The following INPP5A variants were observed in gnomAD, a reference collection of about 807,000 sequenced individuals.
INPP5A encodes the protein 43 kDa inositol polyphosphate 5-phophatase.
In INPP5A, 14 loss-of-function variants were observed where a neutral mutation model predicts 65.2. The observed-to-expected ratio is 0.21, with a 90% CI of 0.14 to 0.34. INPP5A has a LOEUF of 0.34. Among genes scored for constraint, INPP5A ranks in the 10% least tolerant of loss-of-function variants. The probability of loss-of-function intolerance (pLI) is 1.00; values close to 1 mark genes in which losing one functional copy is unlikely to be tolerated. For synonymous variants in INPP5A, 207 were observed against 208.3 expected, an observed-to-expected ratio of 0.99 and a Z score of 0.05; for missense variants, 431 against 545.6, an observed-to-expected ratio of 0.79 and a Z score of 2.09.
chr10:132,587,241 T>C lies in INPP5A; in HGVS notation c.76-20674T>C, dbSNP rs2071556381. On this transcript the variant is annotated intron_variant, in intron 1 of 15. Transcript: ENST00000368594. The surrounding 1 kb of genome is among the most constrained non-coding windows in gnomAD (Gnocchi z 4.3). ...GGACAGGAGATGGACCCAGGGCAGC[T>C]TGGGCCCGTTCCTCACCTGTTACCT... Among the ~76,000 whole-genome samples, 1 of 152,218 alleles carries C rather than the reference T, an allele frequency of 6.6e-6. No homozygotes were observed. Among genetic ancestry groups the C allele is most frequent in the Non-Finnish European group, 1.5e-5 (1 of 68,038 alleles).
Position 132,616,861 on chromosome 10 carries a change from C to T in INPP5A, c.117+8905C>T, listed in dbSNP as rs948628565. ...GAAGGCCAGCTTCACGCTGCAGGAG[C>T]TCCTGGGCAGTCTGTTCTGGGAGTG... On this transcript the variant is annotated intron_variant, in intron 2 of 15. Coordinates refer to ENST00000368594, the MANE Select transcript of INPP5A (RefSeq NM_005539.5). This position sits in a 1 kb window ranked among gnomAD's most constrained non-coding sequence, Gnocchi z 4.9. Among the ~76,000 whole-genome samples the T allele has an allele frequency of 3.9e-5, 6 of 151,952 alleles. No homozygotes were observed. The highest frequency in any genetic ancestry group is 9.7e-5 in the African/African-American group (4 of 41,326).
In INPP5A at chr10:132,697,515, T is replaced by C. The variant is rs545547870; in HGVS notation, c.371-301T>C. On this transcript the variant is annotated intron_variant, in intron 5 of 15. Transcript: ENST00000368594. The surrounding 1 kb of genome is among the most constrained non-coding windows in gnomAD (Gnocchi z 5.6). ...TAATTCTACAGCCCTCTTAAATATA[T>C]TCACGGGTTTAAAAGAGGATGCCAA... Among the ~76,000 whole-genome samples the C allele has an allele frequency of 2.0e-5, 3 of 152,354 alleles. No homozygotes were observed. The highest frequency in any genetic ancestry group is 2.0e-4 in the Admixed American group (3 of 15,308).
intron 11 of INPP5A, among the ~76,000 whole-genome samples, chr10:132,755,311 ATT>A (rs1160808452): frequency 6.9e-6 from 1 of 145,738 alleles, no homozygotes; most frequent in Non-Finnish European, 1.5e-5. Context: ...ATGCATATGC[ATT>A]TGAGTGGGCG....
At chr10:132,769,555 T>C (rs1846913018) in intron 12 of INPP5A, among the ~76,000 whole-genome samples, 1 of 152,150 alleles carries the variant, frequency 6.6e-6, no homozygotes, top group African/African-American at 2.4e-5. Context: ...CACGTGTGCT[T>C]AGAGTTACTG....
At chr10:132,584,281 C>T (rs1443231727) in intron 1 of INPP5A, among the ~76,000 whole-genome samples, 2 of 152,298 alleles carry the variant, frequency 1.3e-5, no homozygotes, top group South Asian at 2.1e-4. Context: ...TGTCATCCCT[C>T]CTCTGTGTTT....
intron 4 of INPP5A, 22 bp from the exon 5 acceptor site, chr10:132,690,370 G>C (rs759565330): frequency 4.6e-6 from 7 of 1,505,514 alleles, no homozygotes; most frequent in Non-Finnish European, 5.5e-6. Flanking sequence ...TCTCTCATTT[G>C]ATTTCTCTTT....
chr10:132,704,670 G>T lies in INPP5A; in HGVS notation c.475-3643G>T, dbSNP rs576949207. Among the ~76,000 whole-genome samples the T allele has an allele frequency of 1.2e-4, 19 of 152,192 alleles. No individual in the cohort carries two copies. In the South Asian group the frequency reaches 2.3e-3, roughly 18 times the overall value. On this transcript the variant is annotated intron_variant, in intron 6 of 15. Coordinates refer to ENST00000368594, the MANE Select transcript of INPP5A (RefSeq NM_005539.5). The surrounding 1 kb of genome is among the most constrained non-coding windows in gnomAD (Gnocchi z 4.5). ...GATCCTGTGCGTGGCTGGGCCGTGG[G>T]GGGGCAGTGGCTGTTCCAGGTGGGC...
chr10:132,654,021 C>T (rs778350152), intron 4 of INPP5A, among the ~76,000 whole-genome samples: 45 of 152,250 alleles, frequency 3.0e-4, no homozygotes, highest in Non-Finnish European at 5.3e-4. Context: ...AACCAGGGTG[C>T]GGGGCACCAG....
At chr10:132,671,674 C>T (rs555755637) in intron 4 of INPP5A, among the ~76,000 whole-genome samples, 5 of 152,326 alleles carry the variant, frequency 3.3e-5, no homozygotes, top group South Asian at 2.1e-4. Flanking sequence ...CTGGAATAGC[C>T]GTTGGCACAT....
At chr10:132,688,534 C>T (rs928880405) in intron 4 of INPP5A, among the ~76,000 whole-genome samples, 1 of 152,224 alleles carries the variant, frequency 6.6e-6, no homozygotes, top group Admixed American at 6.5e-5. Context: ...CACACTGGGG[C>T]ACTCAGAACT....
At chr10:132,733,956 C>T (rs992308211) in intron 9 of INPP5A, among the ~76,000 whole-genome samples, 2 of 152,220 alleles carry the variant, frequency 1.3e-5, no homozygotes, top group African/African-American at 4.8e-5. Context: ...CTCTCCCGGA[C>T]CTGCGAGTCT....
At position 132,676,405 on chromosome 10, in the gene INPP5A, C is replaced by G. The variant is rs1043818836; in HGVS notation, c.307-13987C>G. Reference sequence around the variant, plus strand: ...TGAGTTCTGGGCCAGGACCTTTCCACCTGTCTCCCTCCACTCCGGGTGAAA... The same window carrying G: ...TGAGTTCTGGGCCAGGACCTTTCCAGCTGTCTCCCTCCACTCCGGGTGAAA... On this transcript the variant is annotated intron_variant, in intron 4 of 15. Coordinates refer to ENST00000368594, the MANE Select transcript of INPP5A (RefSeq NM_005539.5). This position sits in a 1 kb window ranked among gnomAD's most constrained non-coding sequence, Gnocchi z 4.0. Among the ~76,000 whole-genome samples, 37 of 152,294 alleles carry G rather than the reference C, an allele frequency of 2.4e-4. No individual in the cohort carries two copies. The highest frequency in any genetic ancestry group is 8.4e-4 in the African/African-American group (35 of 41,560).
intron 1 of INPP5A, among the ~76,000 whole-genome samples, chr10:132,604,353 C>T (rs929617953): frequency 2.6e-5 from 4 of 151,768 alleles, no homozygotes; most frequent in Non-Finnish European, 4.4e-5. Context: ...CCTCTCCATC[C>T]TGCCCTGTGC....
chr10:132,686,750 G>A (rs1166619147), intron 4 of INPP5A, among the ~76,000 whole-genome samples: 5 of 152,152 alleles, frequency 3.3e-5, no homozygotes, highest in African/African-American at 1.2e-4. Context: ...TGTTTGCAGC[G>A]ACATTTATTA....
At chr10:132,542,794 A>G (rs1420805572) in intron 1 of INPP5A, among the ~76,000 whole-genome samples, 1 of 151,800 alleles carries the variant, frequency 6.6e-6, no homozygotes, top group Non-Finnish European at 1.5e-5. Context: ...CCCCTCACCC[A>G]TTTCTTTTTC....
chr10:132,546,723 A>C lies in INPP5A; in HGVS notation c.75+8552A>C, dbSNP rs2070977844. Among the ~76,000 whole-genome samples the C allele has an allele frequency of 6.6e-6, 1 of 151,876 alleles. No individual in the cohort carries two copies. The highest frequency in any genetic ancestry group is 1.5e-5 in the Non-Finnish European group (1 of 67,976). The stretch of plus-strand genomic sequence containing the variant: ...CTGAACTGCCCCTCTTCCTGGGTGC[A>C]CTGCATACCCCGGGCCCCCTGGGCT... On this transcript the variant is annotated intron_variant, in intron 1 of 15. Transcript: ENST00000368594. This position sits in a 1 kb window ranked among gnomAD's most constrained non-coding sequence, Gnocchi z 5.7.
chr10:132,577,264 A>G (rs895904759), intron 1 of INPP5A, among the ~76,000 whole-genome samples: 2 of 152,104 alleles, frequency 1.3e-5, no homozygotes, highest in Non-Finnish European at 2.9e-5. Context: ...GTTCTGTTGC[A>G]GTGTCTGCTC....
intron 1 of INPP5A, among the ~76,000 whole-genome samples, chr10:132,557,648 G>A (rs2071144184): frequency 6.6e-6 from 1 of 152,244 alleles, no homozygotes; most frequent in Non-Finnish European, 1.5e-5. Context: ...ATTGATGTCT[G>A]TCAGACTTAG....
chr10:132,673,279 G>A (rs184012128), intron 4 of INPP5A, among the ~76,000 whole-genome samples: 1 of 152,322 alleles, frequency 6.6e-6, no homozygotes, highest in East Asian at 1.9e-4. Flanking sequence ...CGCTAGGCCA[G>A]CAGAACGTAA....
Sources: gnomAD v4.1 joint callset for allele counts (sites outside exome capture counted in the v4.1 genomes callset) on GRCh38, gnomAD v4.1.1 for gene constraint, Gnocchi (gnomAD v3.1) non-coding constraint, MANE v1.5 for transcripts, NCBI Gene and HGNC (gene_info 2026-07-23, HGNC 2026-07-21) for gene names.